Variants in SAMD4A observed in about 807,000 individuals in gnomAD.
SAMD4A encodes the protein sterile alpha motif domain containing 4A, also known as protein Smaug homolog 1.
A neutral mutation model predicts 81.3 loss-of-function variants in SAMD4A; 33 were observed. That is an observed-to-expected ratio of 0.41 (90% CI 0.31 to 0.54). The LOEUF (loss-of-function observed/expected upper bound fraction) is 0.54. Ranked by LOEUF, SAMD4A falls within the 20% of genes least tolerant of loss-of-function variation. The pLI is 0.37. For missense variants in SAMD4A, 854 were observed against 951.1 expected (o/e 0.90, Z 1.34); for synonymous variants, 389 against 382.1 (o/e 1.02, Z -0.21).
At chr14:54,697,782 G>T (rs2036612237) in intron 2 of SAMD4A, among the ~76,000 whole-genome samples, 2 of 152,184 alleles carry the variant, frequency 1.3e-5, no homozygotes, top group South Asian at 4.1e-4. Flanking sequence ...TCCTCAAAAT[G>T]GTATGTGGGC....
intron 2 of SAMD4A, among the ~76,000 whole-genome samples, chr14:54,669,478 A>G (rs2035829922): frequency 7.4e-6 from 1 of 134,892 alleles, no homozygotes; most frequent in Non-Finnish European, 1.5e-5. Flanking sequence ...AGAGAGAGAC[A>G]GGATCGCACT....
At chr14:54,617,451 T>C (rs1426695274) in intron 2 of SAMD4A, among the ~76,000 whole-genome samples, 2 of 66,736 alleles carry the variant, frequency 3.0e-5, no homozygotes, top group African/African-American at 1.4e-4. Flanking sequence ...AGAAAGAATC[T>C]GTAAGGAGAG....
At chr14:54,706,496 G>A (rs868146276) in intron 3 of SAMD4A, among the ~76,000 whole-genome samples, 5 of 151,294 alleles carry the variant, frequency 3.3e-5, no homozygotes, top group African/African-American at 9.7e-5. Flanking sequence ...TCCCAGCTAC[G>A]CAGAAGGTTG....
intron 2 of SAMD4A, among the ~76,000 whole-genome samples, chr14:54,690,362 G>T (rs1311778594): frequency 2.0e-5 from 3 of 152,094 alleles, no homozygotes; most frequent in Non-Finnish European, 4.4e-5. Flanking sequence ...AAATAATAGT[G>T]ATCTCTTTTG....
chr14:54,670,574 T>TC (rs2035859085), intron 2 of SAMD4A, among the ~76,000 whole-genome samples: 1 of 152,204 alleles, frequency 6.6e-6, no homozygotes, highest in Admixed American at 6.5e-5. Flanking sequence ...GAATCACAAT[T>TC]CCCATCTGTA....
chr14:54,594,662 C>G (rs2033867337), intron 2 of SAMD4A, among the ~76,000 whole-genome samples: 1 of 152,178 alleles, frequency 6.6e-6, no homozygotes, highest in Non-Finnish European at 1.5e-5. Flanking sequence ...ATCACTGAAT[C>G]AGATTTAATT....
intron 2 of SAMD4A, chr14:54,689,600 A>T (rs1337313830): frequency 1.3e-5 from 2 of 152,206 alleles, no homozygotes; most frequent in Non-Finnish European, 2.9e-5. Context: ...TCCCCACGCC[A>T]TATTATCATT....
intron 2 of SAMD4A, among the ~76,000 whole-genome samples, chr14:54,596,478 G>A (rs747087537): frequency 6.6e-6 from 1 of 152,148 alleles, no homozygotes; most frequent in African/African-American, 2.4e-5. Flanking sequence ...CCAGCTACTC[G>A]GGAAGCTGAG....
At chr14:54,569,370 T>C (rs1457617710) in intron 2 of SAMD4A, among the ~76,000 whole-genome samples, 1 of 152,154 alleles carries the variant, frequency 6.6e-6, no homozygotes, top group Non-Finnish European at 1.5e-5. Flanking sequence ...TATAGAATCA[T>C]AGGGTGGAAG....
At chr14:54,656,388 G>A (rs1286069955) in intron 2 of SAMD4A, among the ~76,000 whole-genome samples, 1 of 152,116 alleles carries the variant, frequency 6.6e-6, no homozygotes, top group Admixed American at 6.5e-5. Context: ...TCTGGTCATG[G>A]TATGTGGACC....
intron 8 of SAMD4A, among the ~76,000 whole-genome samples, chr14:54,768,530 C>T (rs2038617502): frequency 6.6e-6 from 1 of 152,204 alleles, no homozygotes; most frequent in Non-Finnish European, 1.5e-5. Context: ...CCCAGGTCAC[C>T]CTGACCAGCA....
chr14:54,740,936 A>G (rs1379725843), intron 4 of SAMD4A, among the ~76,000 whole-genome samples: 1 of 152,230 alleles, frequency 6.6e-6, no homozygotes, highest in Middle Eastern at 3.2e-3. Context: ...CTCAAGCTAA[A>G]GAAAAAATGA....
chr14:54,782,722 G>A (rs901550111), intron 11 of SAMD4A, among the ~76,000 whole-genome samples: 6 of 152,200 alleles, frequency 3.9e-5, no homozygotes, highest in African/African-American at 1.4e-4. Flanking sequence ...TTAAATAACG[G>A]AAGCAACATC....
At chr14:54,582,108 C>T (rs2033485231) in intron 2 of SAMD4A, among the ~76,000 whole-genome samples, 1 of 152,068 alleles carries the variant, frequency 6.6e-6, no homozygotes, top group Non-Finnish European at 1.5e-5. Flanking sequence ...AAATTCTGAG[C>T]TATAATGTCA....
chr14:54,702,405 A>T lies in SAMD4A; in HGVS notation c.540A>T (p.Arg180Ser), dbSNP rs761499865. The T allele has an allele frequency of 2.9e-5, 47 of 1,614,054 alleles. No individual in the cohort carries two copies. The highest frequency in any genetic ancestry group is 3.9e-5 in the Non-Finnish European group (46 of 1,180,006). The change falls in exon 3 of 13, where the codon AGA becomes AGT. Residue 180 changes from arginine (R) to serine (S), a missense_variant. Physicochemically the swap from Arg to Ser is moderately radical, Grantham distance 110 (BLOSUM62 -1). Coordinates refer to ENST00000554335, the MANE Select transcript of SAMD4A (RefSeq NM_015589.6). ...DYGQTHYYHQ[R>S]QNSDDKLNGW... Reference sequence around the variant, plus strand: ...GACAGACACACTACTATCACCAAAGACAGAACTCTGATGACAAGCTCAATG... The same window carrying T: ...GACAGACACACTACTATCACCAAAGTCAGAACTCTGATGACAAGCTCAATG...
At chr14:54,570,226 G>T (rs368899686) in intron 2 of SAMD4A, among the ~76,000 whole-genome samples, 20 of 152,236 alleles carry the variant, frequency 1.3e-4, no homozygotes, top group African/African-American at 4.3e-4. Context: ...GTGATGATTT[G>T]GTTTACTTTC....
intron 2 of SAMD4A, among the ~76,000 whole-genome samples, chr14:54,660,437 G>A (rs2035615117): frequency 6.6e-6 from 1 of 152,222 alleles, no homozygotes; most frequent in African/African-American, 2.4e-5. Context: ...AGTCACTTCA[G>A]TGTGCAAAGA....
intron 3 of SAMD4A, among the ~76,000 whole-genome samples, chr14:54,733,415 A>G (rs184222532): frequency 6.6e-6 from 1 of 152,328 alleles, no homozygotes; most frequent in Non-Finnish European, 1.5e-5. Context: ...GTATACAATT[A>G]TTAAATGTTG....
In SAMD4A at chr14:54,737,156, G is replaced by T; in HGVS notation, c.848G>T (p.Cys283Phe). 1 of 1,614,110 alleles carries T rather than the reference G, an allele frequency of 6.2e-7. No homozygotes were observed. Among genetic ancestry groups the T allele is most frequent in the Non-Finnish European group, 8.5e-7 (1 of 1,180,024 alleles). ...GACTTACGAGCTAGAGGACCCCAGT[G>T]CCTCCCATCCGATCATGCCCCCCTG... ...HEDLRARGPQ[C>F]LPSDHAPLSP... Residue 283 changes from cysteine to phenylalanine, a missense_variant, in exon 4 of 13, where the codon TGC becomes TTC. Physicochemically the swap from Cys to Phe is radical, Grantham distance 205. Transcript: ENST00000554335.
Sources: allele counts gnomAD v4.1 joint callset (sites outside exome capture counted in the v4.1 genomes callset), GRCh38; gene constraint gnomAD v4.1.1; transcripts MANE v1.5; gene names NCBI Gene and HGNC (gene_info 2026-07-23, HGNC 2026-07-21).